Variants in SLC4A4 observed in about 807,000 individuals in gnomAD.
The protein encoded by SLC4A4 is solute carrier family 4 member 4, also known as electrogenic sodium bicarbonate cotransporter 1.
SLC4A4 carries 27 observed loss-of-function variants against 111.5 expected under a neutral mutation model. The observed-to-expected ratio is 0.24, with a 90% CI of 0.18 to 0.33. The LOEUF is 0.33. Ranked by LOEUF, SLC4A4 falls within the 10% of genes least tolerant of loss-of-function variation. SLC4A4 has a pLI of 1.00. For missense variants in SLC4A4, 909 were observed against 1,315.5 expected (o/e 0.69, Z 4.78); for synonymous variants, 443 against 463.4 (o/e 0.96, Z 0.57).
chr4:71,509,750 A>C (rs1244291921), intron 16 of SLC4A4, among the ~76,000 whole-genome samples: 1 of 152,180 alleles, frequency 6.6e-6, no homozygotes, highest in African/African-American at 2.4e-5. Flanking sequence ...CTGTTCAGTG[A>C]CTTTCCTGCT....
intron 16 of SLC4A4, among the ~76,000 whole-genome samples, chr4:71,502,843 C>A (rs953395761): frequency 6.6e-6 from 1 of 152,072 alleles, no homozygotes; most frequent in Non-Finnish European, 1.5e-5. Context: ...TCTGTTAGGT[C>A]CATTTGATGT....
At chr4:71,278,629 C>A (rs1052855677) in intron 3 of SLC4A4, among the ~76,000 whole-genome samples, 1 of 152,120 alleles carries the variant, frequency 6.6e-6, no homozygotes, top group African/African-American at 2.4e-5. Flanking sequence ...TAATAGTTAT[C>A]CTAACAGGTA....
intron 7 of SLC4A4, among the ~76,000 whole-genome samples, chr4:71,414,741 C>T (rs1721688742): frequency 6.6e-6 from 1 of 152,114 alleles, no homozygotes; most frequent in African/African-American, 2.4e-5. Context: ...ATGGTTGTTC[C>T]TTCCATAACC....
intron 9 of SLC4A4, among the ~76,000 whole-genome samples, chr4:71,448,705 A>G (rs1205846664): frequency 4.6e-5 from 7 of 152,198 alleles, no homozygotes; most frequent in Admixed American, 3.9e-4. Context: ...AGAATACAGG[A>G]TCATTAGTTT....
intron 3 of SLC4A4, among the ~76,000 whole-genome samples, chr4:71,326,927 G>T (rs1727549727): frequency 6.6e-6 from 1 of 152,052 alleles, no homozygotes; most frequent in South Asian, 2.1e-4. Flanking sequence ...TAAACCAGTT[G>T]AGAATAGCAC....
chr4:71,190,219 C>G lies in SLC4A4; in HGVS notation c.-2+2818C>G, dbSNP rs545097114. ...TGTATTCCAAATACATTTTGCCTTT[C>G]TCCCAATATATAAACTCTTGATACG... On this transcript the variant is annotated intron_variant, in intron 1 of 25. Transcript: ENST00000264485. Among the ~76,000 whole-genome samples, 3 of 152,284 alleles carry G rather than the reference C, an allele frequency of 2.0e-5. 1 individual carries two copies. The South Asian group carries it at 6.2e-4, about 32-fold the overall frequency.
At chr4:71,350,148 T>A in intron 5 of SLC4A4, 76 bp downstream of exon 5, 1 of 1,385,438 alleles carries the variant, frequency 7.2e-7, no homozygotes, top group Non-Finnish European at 1.0e-6. Context: ...GGCAGATGAC[T>A]AGTACTGTAA....
chr4:71,103,225 C>T (rs1351171599), intron 2 of SLC4A4, among the ~76,000 whole-genome samples: 1 of 149,982 alleles, frequency 6.7e-6, no homozygotes, highest in East Asian at 2.0e-4. Flanking sequence ...AGCTAACTAT[C>T]CTAAATATAT....
chr4:71,513,165 A>G (rs1202612996), intron 16 of SLC4A4, among the ~76,000 whole-genome samples: 1 of 151,582 alleles, frequency 6.6e-6, no homozygotes. Flanking sequence ...TTTTTTTTCT[A>G]ATTCTGTGAA....
intron 1 of SLC4A4, among the ~76,000 whole-genome samples, chr4:71,191,411 C>T (rs1270003424): frequency 6.6e-6 from 1 of 152,192 alleles, no homozygotes; most frequent in Non-Finnish European, 1.5e-5. Flanking sequence ...GAAACTATGA[C>T]AGAGAACTCT....
intron 2 of SLC4A4, among the ~76,000 whole-genome samples, chr4:71,107,633 G>C (rs900965989): frequency 2.0e-5 from 3 of 152,088 alleles, no homozygotes; most frequent in Non-Finnish European, 4.4e-5. Flanking sequence ...ATAGACAAAA[G>C]ACACTGCACC....
chr4:71,331,941 C>A (rs1312386784), intron 3 of SLC4A4, among the ~76,000 whole-genome samples: 1 of 152,120 alleles, frequency 6.6e-6, no homozygotes, highest in Non-Finnish European at 1.5e-5. Context: ...TCCATTTCTT[C>A]TAAGTTTCTC....
chr4:71,116,043 C>T (rs1388414957), intron 2 of SLC4A4, among the ~76,000 whole-genome samples: 1 of 152,154 alleles, frequency 6.6e-6, no homozygotes, highest in Non-Finnish European at 1.5e-5. Flanking sequence ...TACAGGCACA[C>T]ACCACGACGC....
chr4:71,137,851 C>T (rs1049975544), intron 2 of SLC4A4, among the ~76,000 whole-genome samples: 3 of 152,144 alleles, frequency 2.0e-5, no homozygotes, highest in Non-Finnish European at 4.4e-5. Context: ...CAAAGAACTA[C>T]TTTAATAGGA....
At chr4:71,527,672 G>A (rs1011111210) in intron 16 of SLC4A4, among the ~76,000 whole-genome samples, 2 of 150,476 alleles carry the variant, frequency 1.3e-5, no homozygotes, top group African/African-American at 2.4e-5. Context: ...ACTTGCCACC[G>A]TGTATTTCCC....
intron 1 of SLC4A4, among the ~76,000 whole-genome samples, chr4:71,086,119 C>T (rs1166975597): frequency 2.0e-5 from 3 of 151,392 alleles, no homozygotes; most frequent in African/African-American, 4.9e-5. Flanking sequence ...AGGTCCTTCA[C>T]GTCCCTTGTA....
intron 2 of SLC4A4, among the ~76,000 whole-genome samples, chr4:71,146,799 G>A (rs112751792): frequency 1.3e-5 from 2 of 152,238 alleles, no homozygotes; most frequent in African/African-American, 2.4e-5. Context: ...AAACTGTAAC[G>A]ACCATCAAGG....
chr4:71,522,890 A>T (rs1716085053), intron 16 of SLC4A4, among the ~76,000 whole-genome samples: 1 of 152,204 alleles, frequency 6.6e-6, no homozygotes, highest in South Asian at 2.1e-4. Flanking sequence ...CATAATGAGC[A>T]TTTTAGTTAG....
intron 3 of SLC4A4, among the ~76,000 whole-genome samples, chr4:71,309,787 C>T (rs546366462): frequency 5.6e-4 from 85 of 152,044 alleles, no homozygotes; most frequent in African/African-American, 3.4e-4. Context: ...TTCAAATGAT[C>T]GCAACTCCTT....
Sources: gnomAD v4.1 joint callset for allele counts (sites outside exome capture counted in the v4.1 genomes callset) on GRCh38, gnomAD v4.1.1 for gene constraint, MANE v1.5 for transcripts, NCBI Gene and HGNC (gene_info 2026-07-23, HGNC 2026-07-21) for gene names.